The following KMT2C variants were observed in gnomAD, a reference collection of about 807,000 sequenced individuals.
The protein encoded by KMT2C is lysine methyltransferase 2C.
KMT2C carries 88 observed loss-of-function variants against 507.9 expected under a neutral mutation model. That is an observed-to-expected ratio of 0.17 (90% CI 0.15 to 0.21). The LOEUF (loss-of-function observed/expected upper bound fraction) is 0.21, where lower values mean the gene tolerates loss of function less well. KMT2C is among the 10% of genes least tolerant of loss of function. KMT2C has a pLI of 1.00. For missense variants in KMT2C, 4,954 were observed against 5,957.8 expected, an observed-to-expected ratio of 0.83 and a Z score of 5.55; for synonymous variants, 2,049 against 2,080.8, an observed-to-expected ratio of 0.98 and a Z score of 0.42.
intron 1 of KMT2C, among the ~76,000 whole-genome samples, chr7:152,435,083 G>A (rs181239779): frequency 6.6e-6 from 1 of 152,196 alleles, no homozygotes; most frequent in East Asian, 1.9e-4. Flanking sequence ...CACAGGTTTG[G>A]GACCAGGAAA....
intron 10 of KMT2C, 111 bp downstream of exon 10, chr7:152,252,435 T>TGATTGCTGTTATA: frequency 1.2e-6 from 1 of 818,618 alleles, no homozygotes; most frequent in Non-Finnish European, 1.9e-6. Context: ...CAATCAGTAC[T>TGATTGCTGTTATA]GATGGAATTG....
intron 36 of KMT2C, 44 bp from the exon 37 acceptor site, chr7:152,180,170 A>C: frequency 6.2e-6 from 10 of 1,601,256 alleles, no homozygotes; most frequent in Non-Finnish European, 8.5e-6. Flanking sequence ...GTGGTAATTA[A>C]TGGCTTTTTA....
intron 2 of KMT2C, among the ~76,000 whole-genome samples, chr7:152,349,656 G>A (rs1473833433): frequency 6.6e-6 from 1 of 151,904 alleles, no homozygotes; most frequent in Admixed American, 6.6e-5. Flanking sequence ...AGGAGGGAGG[G>A]ATTAATAGGT....
Position 152,148,253 on chromosome 7 carries a change from A to G in KMT2C, c.13674T>C (p.Ile4558=), listed in dbSNP as rs2129095005. Reference sequence around the variant, plus strand: ...GCATCTGCTGTGGAAGCAGCTGACCAATTGTGTGGAAGATGAGGCTACCCA... The same window carrying G: ...GCATCTGCTGTGGAAGCAGCTGACCGATTGTGTGGAAGATGAGGCTACCCA... ...FRVGSLIFHT[I]GQLLPQQMQA... Residue 4558 remains isoleucine (I), a synonymous_variant, in exon 52 of 59, where the codon ATT becomes ATC. Transcript: ENST00000262189. The surrounding 1 kb of genome is among the most constrained non-coding windows in gnomAD (Gnocchi z 7.1). The G allele has an allele frequency of 6.2e-7, 1 of 1,614,210 alleles. No homozygotes were observed.
chr7:152,270,557 C>T (rs2095945150), intron 7 of KMT2C, among the ~76,000 whole-genome samples: 1 of 152,152 alleles, frequency 6.6e-6, no homozygotes, highest in African/African-American at 2.4e-5. Flanking sequence ...CTACTATGCT[C>T]CAAGTAAAAT....
At chr7:152,408,599 T>G (rs891973779) in intron 1 of KMT2C, among the ~76,000 whole-genome samples, 4 of 152,124 alleles carry the variant, frequency 2.6e-5, no homozygotes, top group Non-Finnish European at 4.4e-5. Context: ...ACAAACCCTA[T>G]TGTGAACTGC....
intron 39 of KMT2C, among the ~76,000 whole-genome samples, chr7:152,171,764 A>G (rs980286771): frequency 1.3e-5 from 2 of 152,226 alleles, no homozygotes; most frequent in African/African-American, 2.4e-5. Flanking sequence ...ATGTTTTCTC[A>G]TTCCAGTCTG....
intron 1 of KMT2C, among the ~76,000 whole-genome samples, chr7:152,373,924 A>C (rs1329397618): frequency 6.6e-6 from 1 of 152,196 alleles, no homozygotes; most frequent in Non-Finnish European, 1.5e-5. Context: ...TTCATTTTTG[A>C]ATAAGAAATT....
chr7:152,160,566 C>T (rs6464209), intron 43 of KMT2C, among the ~76,000 whole-genome samples: 6,316 of 151,190 alleles, frequency 0.042, 442 homozygotes, highest in African/African-American at 0.14. Context: ...GTGGATGCTG[C>T]GGATCCCCAA....
rs376309362 is a variant in KMT2C at position 152,358,681 on chromosome 7, GAAAA to G, written c.162-10_162-7del. ...TTTTCCCCCTACTTCGAGGTCTACA[GAAAA>G]AAAAAAAAATAATAAGTACATAGAG... is the stretch of plus-strand genomic sequence containing the variant. On this transcript the variant is annotated splice_region_variant and splice_polypyrimidine_tract_variant and intron_variant, in intron 1 of 58. Transcript: ENST00000262189. The G allele has an allele frequency of 4.8e-6, 6 of 1,248,376 alleles. No homozygotes were observed. The highest frequency in any genetic ancestry group is 2.0e-4 in the Middle Eastern group (1 of 4,922). 77.3% of individuals were successfully genotyped at this position (1,248,376 alleles called of 1,614,324 possible).
intron 5 of KMT2C, among the ~76,000 whole-genome samples, 187 bp from the exon 6 acceptor site, chr7:152,310,262 C>T (rs376091941): frequency 1.3e-5 from 2 of 152,190 alleles, no homozygotes; most frequent in Admixed American, 6.5e-5. Flanking sequence ...GTATCAATAT[C>T]AAACTGAGAA....
chr7:152,144,764 C>G lies in KMT2C; in HGVS notation c.14292G>C (p.Lys4764Asn), dbSNP rs1238849180. The change falls in exon 55 of 59, where the codon AAG (lysine) becomes AAC (asparagine). Residue 4764 changes from lysine (K) to asparagine (N), a missense_variant. Physicochemically the swap from Lys to Asn is moderately conservative, Grantham distance 94. This residue lies in a region of KMT2C where 133 missense variants were observed against 258.9 expected (regional missense o/e 0.51). Transcript: ENST00000262189. This position sits in a 1 kb window ranked among gnomAD's most constrained non-coding sequence, Gnocchi z 4.4. ...FVHSKSSQYRKMKTEWKSNVY... is the reference protein window; with the variant it reads ...FVHSKSSQYRNMKTEWKSNVY... ...CATTGGATTTCCATTCAGTTTTCAT[C>G]TTCCGGTACTGCGATGACTTGGAGT... 1 of 1,614,132 alleles carries G rather than the reference C, an allele frequency of 6.2e-7. No individual in the cohort carries two copies. The highest frequency in any genetic ancestry group is 1.6e-4 in the Middle Eastern group (1 of 6,062).
intron 1 of KMT2C, among the ~76,000 whole-genome samples, chr7:152,421,963 G>A (rs2097779882): frequency 6.6e-6 from 1 of 152,100 alleles, no homozygotes; most frequent in Non-Finnish European, 1.5e-5. Flanking sequence ...ATGAATGTAG[G>A]ACATTTTTAA....
intron 40 of KMT2C, 40 bp downstream of exon 40, chr7:152,171,224 A>G (rs1401096812): frequency 7.3e-7 from 1 of 1,363,000 alleles, no homozygotes. Context: ...GGAAACAGAA[A>G]AGCGTGCATT....
intron 6 of KMT2C, among the ~76,000 whole-genome samples, chr7:152,304,611 C>G (rs2096598956): frequency 6.6e-6 from 1 of 152,158 alleles, no homozygotes; most frequent in South Asian, 2.1e-4. Context: ...TCATCTTTAT[C>G]TTGAAGGGGC....
At chr7:152,241,339 T>G (rs2095379543) in intron 14 of KMT2C, among the ~76,000 whole-genome samples, 1 of 152,224 alleles carries the variant, frequency 6.6e-6, no homozygotes, top group African/African-American at 2.4e-5. Context: ...TAGCTGGGAT[T>G]ACAGGCATGC....
intron 7 of KMT2C, among the ~76,000 whole-genome samples, chr7:152,271,303 C>T (rs1289292838): frequency 1.3e-5 from 2 of 152,004 alleles, no homozygotes; most frequent in Non-Finnish European, 2.9e-5. Context: ...AAATTATATC[C>T]TTGGTACTTA....
intron 16 of KMT2C, among the ~76,000 whole-genome samples, chr7:152,231,739 C>T (rs1406426232): frequency 2.6e-5 from 4 of 152,014 alleles, no homozygotes; most frequent in Admixed American, 2.6e-4. Context: ...CAAGATTACG[C>T]CACTGCACTC....
chr7:152,189,939 C>T (rs1238879348), intron 31 of KMT2C, among the ~76,000 whole-genome samples: 7 of 152,178 alleles, frequency 4.6e-5, no homozygotes, highest in East Asian at 3.9e-4. Context: ...GGAACCCGGC[C>T]GCACAGTAGG....
Sources: gnomAD v4.1 joint callset for allele counts (sites outside exome capture counted in the v4.1 genomes callset) on GRCh38, gnomAD v4.1.1 for gene constraint, gnomAD v4.1.1 regional missense constraint, Gnocchi (gnomAD v3.1) non-coding constraint, MANE v1.5 for transcripts, NCBI Gene and HGNC (gene_info 2026-07-23, HGNC 2026-07-21) for gene names.